TVP23A: variants seen among roughly 807,000 people sequenced by gnomAD.
The protein encoded by TVP23A is Golgi apparatus membrane protein TVP23 homolog A.
In TVP23A, 21 loss-of-function variants were observed where a neutral mutation model predicts 31.7. That is an observed-to-expected ratio of 0.66 (90% CI 0.47 to 0.95). TVP23A has a LOEUF of 0.95. Among genes scored for constraint, TVP23A ranks in the 40% least tolerant of loss-of-function variants. TVP23A has a pLI of 0.00. For synonymous variants in TVP23A, 104 were observed against 96.0 expected (o/e 1.08, Z -0.49); for missense variants, 279 against 255.6 (o/e 1.09, Z -0.62).
intron 2 of TVP23A, among the ~76,000 whole-genome samples, chr16:10,800,121 G>C (rs1298516132): frequency 6.8e-6 from 1 of 147,904 alleles, no homozygotes; most frequent in African/African-American, 2.5e-5. Flanking sequence ...TTTAGAAACA[G>C]GGTCTTGCTA....
chr16:10,786,796 G>T (rs1029959071), intron 2 of TVP23A, among the ~76,000 whole-genome samples: 1 of 152,028 alleles, frequency 6.6e-6, no homozygotes, highest in Non-Finnish European at 1.5e-5. Flanking sequence ...ATACTTTTAC[G>T]TAAATTTGAA....
At position 10,775,015 on chromosome 16, in the gene TVP23A, C is replaced by T. The variant is rs377137374; in HGVS notation, c.171G>A (p.Lys57=). 1.2e-5 allele frequency: 19 copies of T among 1,612,774 alleles called. No homozygotes were observed. The highest frequency in any genetic ancestry group is 1.5e-5 in the Non-Finnish European group (18 of 1,179,394). Residue 57 remains lysine, a synonymous_variant, in exon 3 of 8, where the codon AAG becomes AAA. Transcript: ENST00000299866. ...CCATGACAAAACAGCCCACAAAGCT[C>T]TTGCTGAACCAGTCGCAGCTCACGT... is the stretch of plus-strand genomic sequence containing the variant. The part of the protein sequence containing the change: ...VTYVSCDWFS[K]SFVGCFVMVL...
At chr16:10,788,521 C>T (rs1002705280) in intron 2 of TVP23A, among the ~76,000 whole-genome samples, 7 of 152,046 alleles carry the variant, frequency 4.6e-5, no homozygotes, top group Non-Finnish European at 1.0e-4. Context: ...TCAACACCAC[C>T]CGTAAGGTAC....
chr16:10,758,456 G>C (rs78158891), downstream of TVP23A, among the ~76,000 whole-genome samples: 4,345 of 152,298 alleles, frequency 0.029, 225 homozygotes, highest in African/African-American at 0.099. Flanking sequence ...CAGCGCAAGC[G>C]AGTGAGGCCT....
At chr16:10,788,627 G>C (rs981488443) in intron 2 of TVP23A, among the ~76,000 whole-genome samples, 1 of 152,074 alleles carries the variant, frequency 6.6e-6, no homozygotes, top group African/African-American at 2.4e-5. Context: ...GGCTGCAAAG[G>C]GCTCAGAGTT....
rs760645305 is a variant in TVP23A, at chr16:10,774,939, G to C, written c.234+13C>G. On this transcript the variant is annotated intron_variant, in intron 3 of 7. Transcript: ENST00000299866. Reference sequence around the variant, plus strand: ...TGTTTCGGAAGTGATGACATCACACGAAAGGGCCTCACCTTCACAGACCAG... The same window carrying C: ...TGTTTCGGAAGTGATGACATCACACCAAAGGGCCTCACCTTCACAGACCAG... The C allele has an allele frequency of 6.2e-7, 1 of 1,610,614 alleles. No homozygotes were observed. The highest frequency in any genetic ancestry group is 1.1e-5 in the South Asian group (1 of 90,606).
At chr16:10,813,951 A>G (rs2034315989) in intron 2 of TVP23A, among the ~76,000 whole-genome samples, 1 of 139,698 alleles carries the variant, frequency 7.2e-6, no homozygotes, top group African/African-American at 2.6e-5. Flanking sequence ...GTGAGCCGAG[A>G]TCGCACCACT....
chr16:10,805,449 T>C (rs952182259), intron 2 of TVP23A, among the ~76,000 whole-genome samples: 2 of 151,574 alleles, frequency 1.3e-5, no homozygotes, highest in Non-Finnish European at 2.9e-5. Context: ...TTTGCAACTT[T>C]TATTCTAAAG....
chr16:10,818,330 C>G lies in TVP23A; in HGVS notation c.10-148G>C. The stretch of plus-strand genomic sequence containing the variant: ...AGCTGGCGGGGCCCCTCCGCTGCGG[C>G]TGCAGTGCAAAGCCCTCTCCACCCT... On this transcript the variant is annotated intron_variant, in intron 1 of 7. Transcript: ENST00000299866. This position sits in a 1 kb window ranked among gnomAD's most constrained non-coding sequence, Gnocchi z 4.7. The G allele has an allele frequency of 7.3e-7, 1 of 1,360,662 alleles. No individual in the cohort carries two copies. The highest frequency in any genetic ancestry group is 1.0e-6 in the Non-Finnish European group (1 of 993,664). The allele number at this position is 1,360,662 out of a possible 1,614,324, so 84.3% of individuals were successfully genotyped here.
At chr16:10,804,224 C>T (rs1373010711) in intron 2 of TVP23A, among the ~76,000 whole-genome samples, 3 of 152,194 alleles carry the variant, frequency 2.0e-5, no homozygotes, top group African/African-American at 7.2e-5. Flanking sequence ...ACCACGGCAT[C>T]AGGGAGGAAT....
At chr16:10,758,000 T>C (rs770990457), downstream of TVP23A, 3 of 1,614,088 alleles carry the variant, frequency 1.9e-6, no homozygotes, top group Non-Finnish European at 2.5e-6. The surrounding 1 kb of genome is among the most constrained non-coding windows in gnomAD (Gnocchi z 4.1). Context: ...CACACATCGA[T>C]GGAGCAGTGA....
intron 2 of TVP23A, among the ~76,000 whole-genome samples, chr16:10,781,560 AC>A (rs903561000): frequency 7.9e-5 from 12 of 152,154 alleles, no homozygotes; most frequent in African/African-American, 2.9e-4. Context: ...TGTGAAAGCC[AC>A]CTGAGGAGGT....
intron 2 of TVP23A, among the ~76,000 whole-genome samples, chr16:10,816,729 G>A (rs1054534906): frequency 2.0e-5 from 3 of 151,936 alleles, no homozygotes; most frequent in Non-Finnish European, 2.9e-5. Flanking sequence ...AAAGAGGCAC[G>A]GGGGAAGTGG....
intron 2 of TVP23A, among the ~76,000 whole-genome samples, chr16:10,783,957 G>A (rs566769951): frequency 6.6e-6 from 1 of 152,274 alleles, no homozygotes; most frequent in South Asian, 2.1e-4. Context: ...CATAGGTGGA[G>A]CAGAGGGGAC....
chr16:10,778,674 A>AAAG (rs1481964440), intron 2 of TVP23A, among the ~76,000 whole-genome samples: 1 of 151,676 alleles, frequency 6.6e-6, no homozygotes, highest in Non-Finnish European at 1.5e-5. Context: ...AAAAAAAAAA[A>AAAG]AAGATAGAGG....
chr16:10,771,238 C>A (rs919669765), intron 6 of TVP23A, among the ~76,000 whole-genome samples: 14 of 152,132 alleles, frequency 9.2e-5, no homozygotes, highest in Non-Finnish European at 1.9e-4. Context: ...GTAAATCTTA[C>A]AATTAAAAAA....
intron 6 of TVP23A, among the ~76,000 whole-genome samples, chr16:10,771,194 T>C (rs978858382): frequency 5.3e-5 from 8 of 152,220 alleles, no homozygotes; most frequent in African/African-American, 1.9e-4. Flanking sequence ...CACAGAACTA[T>C]ACATTTTAAA....
At chr16:10,795,725 T>C (rs973419140) in intron 2 of TVP23A, among the ~76,000 whole-genome samples, 15 of 152,196 alleles carry the variant, frequency 9.9e-5, no homozygotes, top group African/African-American at 3.6e-4. Flanking sequence ...TTTCTCCTTC[T>C]GGATCCCTTC....
exon 9 of TVP23A, chr16:10,761,306 C>T: frequency 4.6e-6 from 7 of 1,520,352 alleles, no homozygotes; most frequent in Non-Finnish European, 6.4e-6. Context: ...CTCGGTTGCA[C>T]AGACATTCCC....
Sources: allele counts gnomAD v4.1 joint callset (sites outside exome capture counted in the v4.1 genomes callset), GRCh38; gene constraint gnomAD v4.1.1; non-coding constraint Gnocchi (gnomAD v3.1); transcripts MANE v1.5; gene names NCBI Gene and HGNC (gene_info 2026-07-23, HGNC 2026-07-21).